ADGRL3: variants seen among roughly 807,000 people sequenced by gnomAD.
ADGRL3 encodes the protein adhesion G protein-coupled receptor L3.
ADGRL3 carries 62 observed loss-of-function variants against 153.5 expected under a neutral mutation model. That is an observed-to-expected ratio of 0.40 (90% confidence interval 0.33 to 0.50). ADGRL3 has a LOEUF of 0.50. ADGRL3 is among the 20% of genes least tolerant of loss of function. The pLI is 0.47. For synonymous variants in ADGRL3, 710 were observed against 672.5 expected (o/e 1.06, Z -0.86); for missense variants, 1,641 against 1,859.4 (o/e 0.88, Z 2.16).
At chr4:61,436,802 T>C (rs1276249524) in intron 2 of ADGRL3, among the ~76,000 whole-genome samples, 3 of 152,052 alleles carry the variant, frequency 2.0e-5, no homozygotes, top group Non-Finnish European at 2.9e-5. Context: ...CATTAACACC[T>C]CATGTGAAAT....
chr4:61,369,188 G>C (rs1281742399), intron 1 of ADGRL3, among the ~76,000 whole-genome samples: 3 of 152,164 alleles, frequency 2.0e-5, no homozygotes, highest in Non-Finnish European at 4.4e-5. Flanking sequence ...GGGACAATTT[G>C]ACTTCCTCTT....
intron 18 of ADGRL3, 43 bp from the exon 19 acceptor site, chr4:61,983,340 C>T (rs917193751): frequency 6.7e-7 from 1 of 1,497,478 alleles, no homozygotes; most frequent in East Asian, 2.3e-5. Flanking sequence ...ACTAGTATCC[C>T]ATGTGGTAGA....
intron 1 of ADGRL3, among the ~76,000 whole-genome samples, chr4:61,291,005 G>A (rs1056792606): frequency 2.3e-4 from 35 of 152,028 alleles, no homozygotes; most frequent in Admixed American, 1.3e-4. Flanking sequence ...GGTCACTAGT[G>A]AAAATACTAA....
intron 21 of ADGRL3, among the ~76,000 whole-genome samples, chr4:62,022,991 T>C (rs2099245023): frequency 6.6e-6 from 1 of 151,232 alleles, no homozygotes; most frequent in Non-Finnish European, 1.5e-5. Flanking sequence ...AAGGCTATAG[T>C]TGCCATAGAT....
At chr4:61,349,576 G>A (rs1289540943) in intron 1 of ADGRL3, among the ~76,000 whole-genome samples, 1 of 151,870 alleles carries the variant, frequency 6.6e-6, no homozygotes, top group East Asian at 1.9e-4. Context: ...CCAGACTCCT[G>A]GTTGCATTGT....
chr4:61,801,309 A>C (rs2152485472), intron 8 of ADGRL3, among the ~76,000 whole-genome samples: 1 of 152,230 alleles, frequency 6.6e-6, no homozygotes, highest in Middle Eastern at 3.4e-3. Flanking sequence ...ATTTCTAGGA[A>C]CAATTCTTAG....
intron 8 of ADGRL3, among the ~76,000 whole-genome samples, chr4:61,811,516 C>A (rs2097620512): frequency 6.6e-6 from 1 of 152,028 alleles, no homozygotes; most frequent in South Asian, 2.1e-4. Flanking sequence ...TACTAATGAA[C>A]TTAGGATTTC....
At chr4:61,959,734 AG>A (rs2098980774) in intron 17 of ADGRL3, among the ~76,000 whole-genome samples, 1 of 152,190 alleles carries the variant, frequency 6.6e-6, no homozygotes, top group Non-Finnish European at 1.5e-5. Flanking sequence ...TACTTTTTAA[AG>A]CCCCAAATTT....
intron 1 of ADGRL3, among the ~76,000 whole-genome samples, chr4:61,261,723 A>G (rs1195254685): frequency 6.6e-6 from 1 of 152,222 alleles, no homozygotes; most frequent in Non-Finnish European, 1.5e-5. Context: ...ACAAAACATA[A>G]TATAGTGTTA....
intron 1 of ADGRL3, among the ~76,000 whole-genome samples, chr4:61,240,031 A>T (rs537202894): frequency 6.6e-6 from 1 of 151,996 alleles, no homozygotes; most frequent in South Asian, 2.1e-4. Context: ...AATATCTGAG[A>T]GTAGGTGGTT....
At chr4:61,997,112 T>G (rs575837335) in intron 20 of ADGRL3, among the ~76,000 whole-genome samples, 2 of 152,200 alleles carry the variant, frequency 1.3e-5, no homozygotes, top group African/African-American at 4.8e-5. Context: ...TTTGGAAAGA[T>G]AATGTGGTAC....
rs148622302 is a variant in ADGRL3, at chr4:62,075,712, C to G, written c.*4804C>G. ...CGAAGATGGCACAAAAGCAAAGCAG[C>G]AACATTGCACAATAGCTTATGGAAG... is the stretch of plus-strand genomic sequence containing the variant. On this transcript the variant is annotated 3_prime_UTR_variant, in exon 27 of 27. Coordinates refer to ENST00000683033, the MANE Select transcript of ADGRL3 (RefSeq NM_001387552.1). The G allele has an allele frequency of 1.3e-5, 2 of 152,112 alleles. No individual in the cohort carries two copies. The highest frequency in any genetic ancestry group is 2.9e-5 in the Non-Finnish European group (2 of 68,024). 9.4% of individuals were successfully genotyped at this position (152,112 alleles called of 1,614,324 possible). A position where few individuals can be genotyped will look rare whatever the true frequency, so the allele number is the denominator to read the frequency against.
In ADGRL3 at chr4:61,947,135, C is replaced by T; in HGVS notation, c.2628+13C>T. 1 of 1,592,260 alleles carries T rather than the reference C, an allele frequency of 6.3e-7. No homozygotes were observed. Among genetic ancestry groups the T allele is most frequent in the South Asian group, 1.1e-5 (1 of 90,612 alleles). ...TAAACATATCAAGGTAAGAAAATGGCATATTAGCTTGGTTGTTCATATTAT... is the reference window on the plus strand; with the variant it reads ...TAAACATATCAAGGTAAGAAAATGGTATATTAGCTTGGTTGTTCATATTAT... On this transcript the variant is annotated intron_variant, in intron 16 of 26. Coordinates refer to ENST00000683033, the MANE Select transcript of ADGRL3 (RefSeq NM_001387552.1).
intron 8 of ADGRL3, among the ~76,000 whole-genome samples, chr4:61,797,958 G>A (rs1227036930): frequency 6.6e-6 from 1 of 152,110 alleles, no homozygotes; most frequent in Non-Finnish European, 1.5e-5. Context: ...GAAAATCGCT[G>A]GATCACAGCC....
At chr4:61,352,791 C>T (rs183853709) in intron 1 of ADGRL3, among the ~76,000 whole-genome samples, 1 of 152,268 alleles carries the variant, frequency 6.6e-6, no homozygotes, top group African/African-American at 2.4e-5. Context: ...GCAGTATCTC[C>T]AAGGCCTGCC....
intron 5 of ADGRL3, among the ~76,000 whole-genome samples, chr4:61,597,313 A>C (rs1388702959): frequency 6.6e-6 from 1 of 152,168 alleles, no homozygotes; most frequent in Non-Finnish European, 1.5e-5. Flanking sequence ...GATAGTTGTT[A>C]CGAAAGGAGA....
chr4:61,702,602 C>G (rs374569772), intron 6 of ADGRL3, among the ~76,000 whole-genome samples: 8 of 152,014 alleles, frequency 5.3e-5, no homozygotes, highest in East Asian at 1.9e-4. Flanking sequence ...TATTTTTATG[C>G]CTTTGATTTC....
chr4:62,007,680 AG>A (rs2099166716), intron 21 of ADGRL3, among the ~76,000 whole-genome samples: 1 of 151,476 alleles, frequency 6.6e-6, no homozygotes, highest in Non-Finnish European at 1.5e-5. Context: ...CCTCATGCAC[AG>A]GTATGTGGAC....
At chr4:61,829,626 A>G (rs532665083) in intron 9 of ADGRL3, among the ~76,000 whole-genome samples, 1 of 152,364 alleles carries the variant, frequency 6.6e-6, no homozygotes, top group Admixed American at 6.5e-5. Context: ...TAATGTGCAT[A>G]TAGTTAATAC....
Sources: allele counts gnomAD v4.1 joint callset (sites outside exome capture counted in the v4.1 genomes callset), GRCh38; gene constraint gnomAD v4.1.1; transcripts MANE v1.5; gene names NCBI Gene and HGNC (gene_info 2026-07-23, HGNC 2026-07-21).